Variants in VAT1L observed in about 807,000 individuals in gnomAD.
VAT1L encodes the protein putative NADPH-dependent quinone oxidoreductase VAT1L.
VAT1L carries 34 observed loss-of-function variants against 44.1 expected under a neutral mutation model. That is an observed-to-expected ratio of 0.77 (90% CI 0.59 to 1.03). The LOEUF is 1.03. Among genes scored for constraint, VAT1L ranks in the 50% least tolerant of loss-of-function variants. The pLI is 0.00. For missense variants in VAT1L, 615 were observed against 538.8 expected, an observed-to-expected ratio of 1.14 and a Z score of -1.40; for synonymous variants, 253 against 202.2, an observed-to-expected ratio of 1.25 and a Z score of -2.13.
At chr16:77,920,227 C>T (rs1459802795) in intron 7 of VAT1L, among the ~76,000 whole-genome samples, 1 of 152,192 alleles carries the variant, frequency 6.6e-6, no homozygotes, top group African/African-American at 2.4e-5. Context: ...GAAACTTTTG[C>T]TTTTCATTCA....
At chr16:77,971,407 A>G (rs895120551) in intron 7 of VAT1L, among the ~76,000 whole-genome samples, 1 of 152,186 alleles carries the variant, frequency 6.6e-6, no homozygotes, top group African/African-American at 2.4e-5. Flanking sequence ...AGTTCAGTTC[A>G]GCCTTGAGTA....
chr16:77,824,963 T>G (rs1597052918), intron 2 of VAT1L, among the ~76,000 whole-genome samples: 2 of 142,200 alleles, frequency 1.4e-5, no homozygotes, highest in Non-Finnish European at 3.0e-5. Context: ...GCCTCCTGGG[T>G]TCAAGCAGTT....
Position 77,978,472 on chromosome 16 carries a change from A to C in VAT1L, c.*777A>C, listed in dbSNP as rs988406958. On this transcript the variant is annotated 3_prime_UTR_variant, in exon 9 of 9. Coordinates refer to ENST00000302536, the MANE Select transcript of VAT1L (RefSeq NM_020927.3). Reference sequence around the variant, plus strand: ...TGTTTCAATTTTAAGAAAGCACCACATACAAGACACATTCAGAAGTCATTC... The same window carrying C: ...TGTTTCAATTTTAAGAAAGCACCACCTACAAGACACATTCAGAAGTCATTC... The C allele has an allele frequency of 1.3e-5, 2 of 152,254 alleles. No homozygotes were observed. Among genetic ancestry groups the C allele is most frequent in the Non-Finnish European group, 2.9e-5 (2 of 68,048 alleles). The allele number at this position is 152,254 out of a possible 1,614,324, so 9.4% of individuals were successfully genotyped here.
At chr16:77,849,807 G>A (rs909529782) in intron 3 of VAT1L, among the ~76,000 whole-genome samples, 1 of 152,220 alleles carries the variant, frequency 6.6e-6, no homozygotes, top group African/African-American at 2.4e-5. Flanking sequence ...CCTTCCAGCT[G>A]TGATGGGTCC....
intron 7 of VAT1L, among the ~76,000 whole-genome samples, chr16:77,901,563 G>A (rs1018099477): frequency 6.6e-6 from 1 of 152,138 alleles, no homozygotes; most frequent in East Asian, 1.9e-4. Flanking sequence ...GTCCTATCAA[G>A]TGCCTCTTAC....
intron 3 of VAT1L, among the ~76,000 whole-genome samples, chr16:77,851,784 C>G (rs1167542311): frequency 6.6e-6 from 1 of 152,160 alleles, no homozygotes; most frequent in Non-Finnish European, 1.5e-5. Flanking sequence ...GATGAAGTAG[C>G]TTTCCAGAGT....
chr16:77,825,206 T>G, intron 2 of VAT1L, 40 bp from the exon 3 acceptor site: 15 of 1,605,830 alleles, frequency 9.3e-6, no homozygotes, highest in East Asian at 2.2e-5. Flanking sequence ...GCCTCTGTCA[T>G]GAGGTAGCCT....
Position 77,815,653 on chromosome 16 carries a change from A to G in VAT1L, c.234-1268A>G, listed in dbSNP as rs1190379841. On this transcript the variant is annotated intron_variant, in intron 1 of 8. Transcript: ENST00000302536. ...TGGGTCCAAAGAGACCAGGGAAGAA[A>G]TAAGCAAGATGTGCTTTAGAACTAG... Among the ~76,000 whole-genome samples the G allele has an allele frequency of 7.9e-5, 12 of 152,240 alleles. No individual in the cohort carries two copies. The East Asian group carries it at 2.3e-3, about 30-fold the overall frequency.
At chr16:77,976,875 C>A (rs140977084) in intron 8 of VAT1L, among the ~76,000 whole-genome samples, 141 of 152,270 alleles carry the variant, frequency 9.3e-4, no homozygotes, top group African/African-American at 3.2e-3. Flanking sequence ...CCTGTCTTCC[C>A]AGAAACTATA....
At chr16:77,822,202 C>A (rs922984359) in intron 2 of VAT1L, among the ~76,000 whole-genome samples, 1 of 152,056 alleles carries the variant, frequency 6.6e-6, no homozygotes, top group Non-Finnish European at 1.5e-5. Context: ...TGGTGCGATC[C>A]TGGCTCACTG....
intron 3 of VAT1L, among the ~76,000 whole-genome samples, chr16:77,830,778 G>T (rs1269959006): frequency 6.6e-6 from 1 of 152,156 alleles, no homozygotes; most frequent in African/African-American, 2.4e-5. Flanking sequence ...CTGCCTCCCG[G>T]GTTAAAGGGA....
chr16:77,796,515 AC>A (rs2015936318), intron 1 of VAT1L, among the ~76,000 whole-genome samples: 1 of 152,204 alleles, frequency 6.6e-6, no homozygotes, highest in African/African-American at 2.4e-5. Context: ...ACTCTACCTC[AC>A]TGTGGCTGTG....
chr16:77,901,697 C>T (rs2017385535), intron 7 of VAT1L, among the ~76,000 whole-genome samples: 2 of 152,128 alleles, frequency 1.3e-5, no homozygotes, highest in African/African-American at 4.8e-5. Context: ...TAATCAATCC[C>T]ACTTGGCATC....
At chr16:77,835,623 A>G (rs756162313) in intron 3 of VAT1L, among the ~76,000 whole-genome samples, 19 of 152,184 alleles carry the variant, frequency 1.2e-4, no homozygotes, top group Non-Finnish European at 2.6e-4. Flanking sequence ...CTGTAATCCC[A>G]ACACTTTAGG....
intron 3 of VAT1L, among the ~76,000 whole-genome samples, chr16:77,830,868 G>A (rs1272831288): frequency 6.6e-6 from 1 of 152,158 alleles, no homozygotes; most frequent in African/African-American, 2.4e-5. Flanking sequence ...ATTTTTAGTA[G>A]AGATGGGATT....
chr16:77,844,565 C>T (rs1490852588), intron 3 of VAT1L, among the ~76,000 whole-genome samples: 4 of 152,090 alleles, frequency 2.6e-5, no homozygotes, highest in South Asian at 2.1e-4. Flanking sequence ...CCCACCACCA[C>T]GCCTGGCTAC....
At chr16:77,971,449 G>C (rs574908969) in intron 7 of VAT1L, among the ~76,000 whole-genome samples, 6 of 152,162 alleles carry the variant, frequency 3.9e-5, no homozygotes, top group African/African-American at 1.4e-4. Flanking sequence ...ACGAGTCACA[G>C]TTAAATAACA....
At chr16:77,894,425 C>G in intron 7 of VAT1L, among the ~76,000 whole-genome samples, 1 of 152,136 alleles carries the variant, frequency 6.6e-6, no homozygotes, top group East Asian at 1.9e-4. Context: ...GCAGGGAGGA[C>G]AGGCCAACAG....
At chr16:77,875,768 C>T (rs2017081089) in intron 4 of VAT1L, among the ~76,000 whole-genome samples, 1 of 152,144 alleles carries the variant, frequency 6.6e-6, no homozygotes. Flanking sequence ...TTAGGTTGGA[C>T]CTAGACATTG....
Sources: gnomAD v4.1 joint callset for allele counts (sites outside exome capture counted in the v4.1 genomes callset) on GRCh38, gnomAD v4.1.1 for gene constraint, MANE v1.5 for transcripts, NCBI Gene and HGNC (gene_info 2026-07-23, HGNC 2026-07-21) for gene names.